FGD4: variants seen among roughly 807,000 people sequenced by gnomAD.
FGD4 encodes the protein FYVE, RhoGEF and PH domain containing 4.
FGD4 carries 42 observed loss-of-function variants against 102.0 expected under a neutral mutation model. The ratio of observed to expected loss-of-function variants is 0.41; its 90% CI spans 0.32 to 0.53. FGD4 has a LOEUF of 0.53. Ranked by LOEUF, FGD4 falls within the 20% of genes least tolerant of loss-of-function variation. The pLI is 0.21. For synonymous variants in FGD4, 380 were observed against 375.7 expected, an observed-to-expected ratio of 1.01 and a Z score of -0.13; for missense variants, 902 against 1,078.2, an observed-to-expected ratio of 0.84 and a Z score of 2.29.
chr12:32,400,424 G>A (rs1940609158), intron 1 of FGD4, among the ~76,000 whole-genome samples: 1 of 152,164 alleles, frequency 6.6e-6, no homozygotes, highest in Non-Finnish European at 1.5e-5. Context: ...TTCTTAAAGG[G>A]ACGCTTGACT....
chr12:32,460,004 C>T (rs959338248), intron 1 of FGD4, among the ~76,000 whole-genome samples: 4 of 152,204 alleles, frequency 2.6e-5, no homozygotes, highest in African/African-American at 9.6e-5. Context: ...CCATGCTTAG[C>T]CTACTTGATT....
intron 1 of FGD4, among the ~76,000 whole-genome samples, chr12:32,459,353 C>T (rs1943036591): frequency 6.6e-6 from 1 of 151,998 alleles, no homozygotes; most frequent in Non-Finnish European, 1.5e-5. Context: ...GCCACCACGC[C>T]TGGCTAATTT....
Position 32,466,798 on chromosome 12 carries a change from T to C in FGD4, c.166+66839T>C, listed in dbSNP as rs560569026. Among the ~76,000 whole-genome samples the C allele has an allele frequency of 3.0e-5, 4 of 132,616 alleles. No individual in the cohort carries two copies. In the Admixed American group the frequency reaches 3.8e-4, roughly 13 times the overall value. The allele number at this position is 132,616 out of a possible 152,430, so 87.0% of individuals were successfully genotyped here. A position where few individuals can be genotyped will look rare whatever the true frequency, so the allele number is the denominator to read the frequency against. The stretch of plus-strand genomic sequence containing the variant: ...CAGGAAAATCACTTGAAGATGGGAA[T>C]GGGAGGTTGCAGTGAGCCAAGATGG... On this transcript the variant is annotated intron_variant, in intron 1 of 16. Transcript: ENST00000534526.
chr12:32,469,390 T>C (rs1053797751), intron 1 of FGD4, among the ~76,000 whole-genome samples: 1 of 151,884 alleles, frequency 6.6e-6, no homozygotes, highest in Non-Finnish European at 1.5e-5. Context: ...GGAATTCTCC[T>C]GCCTCAGCCT....
At chr12:32,527,485 A>G (rs973629452) in intron 1 of FGD4, among the ~76,000 whole-genome samples, 1 of 152,018 alleles carries the variant, frequency 6.6e-6, no homozygotes, top group African/African-American at 2.4e-5. Context: ...GCTGGAGCGC[A>G]GTGGTGCGAT....
intron 1 of FGD4, among the ~76,000 whole-genome samples, chr12:32,471,337 C>T (rs1322182097): frequency 6.6e-6 from 1 of 152,300 alleles, no homozygotes; most frequent in African/African-American, 2.4e-5. Context: ...CCCTCTCATC[C>T]ATCCGTATCT....
intron 1 of FGD4, among the ~76,000 whole-genome samples, chr12:32,438,513 G>GT (rs924293969): frequency 2.0e-5 from 3 of 152,044 alleles, no homozygotes; most frequent in African/African-American, 7.2e-5. Context: ...GAATGTATCT[G>GT]TAAGTAAGTG....
At position 32,578,329 on chromosome 12, in the gene FGD4, A is replaced by G. The variant is rs149016256; in HGVS notation, c.503+1880A>G. On this transcript the variant is annotated intron_variant, in intron 3 of 16. Transcript: ENST00000534526. ...TGTGGGTTAATACTGCATTGGATCT[A>G]TAGGACTTAAGTAGGAGATTTGTAT... Among the ~76,000 whole-genome samples the G allele has an allele frequency of 5.4e-3, 817 of 152,304 alleles. 6 individuals carry two copies. Among genetic ancestry groups the G allele is most frequent in the African/African-American group, 0.019 (782 of 41,572 alleles).
chr12:32,441,032 A>G (rs545806846), intron 1 of FGD4, among the ~76,000 whole-genome samples: 9 of 151,964 alleles, frequency 5.9e-5, no homozygotes, highest in Non-Finnish European at 1.2e-4. Flanking sequence ...CCTGGGACTC[A>G]CCCTTCAGGG....
chr12:32,563,870 G>A (rs1266551903), intron 1 of FGD4, among the ~76,000 whole-genome samples: 2 of 152,144 alleles, frequency 1.3e-5, no homozygotes, highest in East Asian at 1.9e-4. Context: ...GCATGGCGGC[G>A]CGGGCATGTA....
intron 1 of FGD4, among the ~76,000 whole-genome samples, chr12:32,557,475 A>G (rs1465821279): frequency 6.6e-6 from 1 of 152,190 alleles, no homozygotes; most frequent in Non-Finnish European, 1.5e-5. Context: ...AATTATTTAT[A>G]TTTTGGAAAT....
intron 10 of FGD4, among the ~76,000 whole-genome samples, chr12:32,613,293 C>T (rs983502345): frequency 2.0e-5 from 3 of 152,154 alleles, no homozygotes; most frequent in Non-Finnish European, 2.9e-5. Context: ...AATTGTCATG[C>T]AGAGGGGTGT....
chr12:32,521,203 G>A (rs765460662), intron 1 of FGD4, among the ~76,000 whole-genome samples: 2 of 151,758 alleles, frequency 1.3e-5, no homozygotes, highest in East Asian at 1.9e-4. Flanking sequence ...CCTGGCCAAC[G>A]TGGCAAAACC....
intron 7 of FGD4, among the ~76,000 whole-genome samples, chr12:32,606,531 T>A (rs538165799): frequency 6.6e-6 from 1 of 152,048 alleles, no homozygotes; most frequent in South Asian, 2.1e-4. Context: ...TTCATTACTG[T>A]GGGCCTGTTC....
intron 2 of FGD4, 59 bp downstream of exon 2, chr12:32,564,348 C>G: frequency 1.3e-6 from 2 of 1,497,184 alleles, no homozygotes; most frequent in Non-Finnish European, 1.8e-6. Flanking sequence ...TGAAGGCTAA[C>G]CAGAAAAATG....
intron 1 of FGD4, among the ~76,000 whole-genome samples, chr12:32,541,606 C>T (rs1241399846): frequency 6.6e-6 from 1 of 152,070 alleles, no homozygotes; most frequent in Non-Finnish European, 1.5e-5. Context: ...CCTGGTGATC[C>T]GCCCGCCTCA....
At chr12:32,623,301 G>A (rs1401136457) in intron 11 of FGD4, among the ~76,000 whole-genome samples, 1 of 152,024 alleles carries the variant, frequency 6.6e-6, no homozygotes, top group Non-Finnish European at 1.5e-5. Context: ...GTGCTTCCAG[G>A]GCAACAGAAA....
intron 1 of FGD4, among the ~76,000 whole-genome samples, chr12:32,469,740 A>G (rs1943366361): frequency 6.6e-6 from 1 of 151,270 alleles, no homozygotes; most frequent in South Asian, 2.1e-4. Context: ...ACTCATCGCA[A>G]CCTCTGCCTC....
chr12:32,428,718 G>C (rs1346420098), intron 1 of FGD4, among the ~76,000 whole-genome samples: 1 of 151,950 alleles, frequency 6.6e-6, no homozygotes, highest in East Asian at 1.9e-4. Context: ...ACGTAGCTTT[G>C]GTCTTTTTAA....
Sources: allele counts gnomAD v4.1 joint callset (sites outside exome capture counted in the v4.1 genomes callset), GRCh38; gene constraint gnomAD v4.1.1; transcripts MANE v1.5; gene names NCBI Gene and HGNC (gene_info 2026-07-23, HGNC 2026-07-21).